Variants in IL1RAPL1 observed in about 807,000 individuals in gnomAD.
IL1RAPL1 encodes interleukin 1 receptor accessory protein like 1.
Under a neutral mutation model 48.4 loss-of-function variants are expected in IL1RAPL1, and 3 were observed. The observed-to-expected ratio is 0.06, with a 90% CI of 0.03 to 0.16. The LOEUF (loss-of-function observed/expected upper bound fraction) is 0.16, where lower values mean the gene tolerates loss of function less well. Among genes scored for constraint, IL1RAPL1 ranks in the 10% least tolerant of loss-of-function variants. The probability of loss-of-function intolerance (pLI) is 1.00; values close to 1 mark genes in which losing one functional copy is unlikely to be tolerated. For synonymous variants in IL1RAPL1, 185 were observed against 187.7 expected (o/e 0.99, Z 0.12); for missense variants, 349 against 530.6 (o/e 0.66, Z 3.36).
intron 1 of IL1RAPL1, among the ~76,000 whole-genome samples, chrX:28,750,582 T>A (rs889659557): frequency 4.5e-5 from 5 of 111,733 alleles, no homozygotes; most frequent in Non-Finnish European, 9.4e-5. Context: ...TTCATCATAG[T>A]CCTTTGTTAT....
At chrX:29,616,692 A>G (rs1924299838) in intron 5 of IL1RAPL1, among the ~76,000 whole-genome samples, 1 of 110,863 alleles carries the variant, frequency 9.0e-6, no homozygotes, top group Non-Finnish European at 1.9e-5. Context: ...GTGGTCATGT[A>G]GGAGGAAAGT....
At chrX:29,526,150 C>G (rs1935550357) in intron 5 of IL1RAPL1, among the ~76,000 whole-genome samples, 2 of 111,890 alleles carry the variant, frequency 1.8e-5, no homozygotes, top group Non-Finnish European at 3.8e-5. Context: ...ATATTTGCCT[C>G]AGAGTTTATA....
intron 2 of IL1RAPL1, among the ~76,000 whole-genome samples, chrX:29,029,209 G>A (rs143370614): frequency 0.012 from 1,342 of 111,272 alleles, 22 homozygotes; most frequent in African/African-American, 0.042. Flanking sequence ...GCCCTCCCAC[G>A]ACATGTGGGG....
intron 2 of IL1RAPL1, among the ~76,000 whole-genome samples, chrX:29,104,584 A>C (rs1244247951): frequency 9.0e-6 from 1 of 111,471 alleles, no homozygotes; most frequent in East Asian, 2.8e-4. Flanking sequence ...TACACTAAGC[A>C]ATAATTTATT....
At chrX:28,727,129 T>C (rs938949374) in intron 1 of IL1RAPL1, among the ~76,000 whole-genome samples, 26 of 111,488 alleles carry the variant, frequency 2.3e-4, no homozygotes, top group Non-Finnish European at 4.3e-4. Flanking sequence ...TTGGGCAGTA[T>C]GGCCATTTTC....
At chrX:29,340,784 T>A (rs1467284166) in intron 3 of IL1RAPL1, among the ~76,000 whole-genome samples, 1 of 111,933 alleles carries the variant, frequency 8.9e-6, no homozygotes, top group African/African-American at 3.2e-5. Context: ...ACAAGGATGA[T>A]GGAGTGAAAA....
chrX:28,743,777 T>C (rs1935939724), intron 1 of IL1RAPL1, among the ~76,000 whole-genome samples: 1 of 111,124 alleles, frequency 9.0e-6, no homozygotes, highest in African/African-American at 3.3e-5. Flanking sequence ...CAACATAATG[T>C]TTTGATATAT....
chrX:29,803,569 G>T (rs1930171749), intron 6 of IL1RAPL1, among the ~76,000 whole-genome samples: 1 of 98,885 alleles, frequency 1.0e-5, no homozygotes, highest in Non-Finnish European at 2.0e-5. Context: ...ATGTATATAT[G>T]TATACATATA....
intron 6 of IL1RAPL1, among the ~76,000 whole-genome samples, chrX:29,828,217 G>A (rs139363249): frequency 4.5e-5 from 5 of 111,975 alleles, no homozygotes; most frequent in East Asian, 5.6e-4. Flanking sequence ...GATGGGAATC[G>A]TAGGCATAGA....
intron 1 of IL1RAPL1, among the ~76,000 whole-genome samples, chrX:28,632,600 C>T (rs763297782): frequency 3.0e-4 from 33 of 111,124 alleles, no homozygotes; most frequent in Non-Finnish European, 4.9e-4. Context: ...TTATATCTAT[C>T]GATATTTACC....
intron 5 of IL1RAPL1, among the ~76,000 whole-genome samples, chrX:29,633,563 G>T: frequency 9.0e-6 from 1 of 110,750 alleles, no homozygotes; most frequent in East Asian, 2.8e-4. Flanking sequence ...TCCCAGGGCT[G>T]CTGTAACAAA....
chrX:29,838,100 T>G (rs1259606363), intron 6 of IL1RAPL1, among the ~76,000 whole-genome samples: 2 of 111,392 alleles, frequency 1.8e-5, no homozygotes, highest in Non-Finnish European at 3.8e-5. Context: ...GTTCCTAAAG[T>G]CTGTTTGGGG....
At chrX:29,054,617 T>C (rs182581314) in intron 2 of IL1RAPL1, among the ~76,000 whole-genome samples, 1 of 110,396 alleles carries the variant, frequency 9.1e-6, no homozygotes, top group African/African-American at 3.3e-5. Context: ...AAAGAAAATA[T>C]TTGATTTATT....
chrX:29,728,934 C>T (rs1013540004), intron 6 of IL1RAPL1, among the ~76,000 whole-genome samples: 16 of 111,458 alleles, frequency 1.4e-4, no homozygotes, highest in African/African-American at 3.6e-4. Context: ...GGCCTCTCTG[C>T]ATGGCTATAT....
At chrX:29,498,813 C>T (rs942403323) in intron 5 of IL1RAPL1, among the ~76,000 whole-genome samples, 1 of 111,834 alleles carries the variant, frequency 8.9e-6, no homozygotes, top group African/African-American at 3.2e-5. Context: ...ATAAGTTTCA[C>T]TCTGCATATG....
rs1365528525 is a variant in IL1RAPL1 at position 29,320,982 on chromosome X, A to C, written c.362+37765A>C. On this transcript the variant is annotated intron_variant, in intron 3 of 10. Transcript: ENST00000378993. ...CTTTTCTTATAAAAATTAAGAGTTG[A>C]ATATGTTGTTATGCCTAAACTACAT... 9.0e-5 allele frequency among the ~76,000 whole-genome samples: 10 copies of C among 111,073 alleles called. No homozygotes were observed. The East Asian group carries it at 2.8e-3, about 31-fold the overall frequency.
chrX:28,754,065 A>C (rs1229522323), intron 1 of IL1RAPL1, among the ~76,000 whole-genome samples: 3 of 110,508 alleles, frequency 2.7e-5, no homozygotes, highest in Non-Finnish European at 5.7e-5. Flanking sequence ...ATTTTTTTTT[A>C]ATCTTGTAAA....
At chrX:29,853,501 G>T (rs1201848737) in intron 6 of IL1RAPL1, among the ~76,000 whole-genome samples, 1 of 110,197 alleles carries the variant, frequency 9.1e-6, no homozygotes, top group Non-Finnish European at 1.9e-5. Flanking sequence ...AAAAACAAAA[G>T]CCCTGTCTCT....
chrX:29,620,877 A>G (rs1223780294), intron 5 of IL1RAPL1, among the ~76,000 whole-genome samples: 1 of 112,662 alleles, frequency 8.9e-6, no homozygotes, highest in Non-Finnish European at 1.9e-5. Context: ...ATACTTTAAT[A>G]TGGCTTTTGC....
Sources: allele counts gnomAD v4.1 joint callset (sites outside exome capture counted in the v4.1 genomes callset), GRCh38; gene constraint gnomAD v4.1.1; transcripts MANE v1.5; gene names NCBI Gene and HGNC (gene_info 2026-07-23, HGNC 2026-07-21).